Variants in LINGO2 observed in about 807,000 individuals in gnomAD.
The protein encoded by LINGO2 is leucine rich repeat and Ig domain containing 2.
A neutral mutation model predicts 30.6 loss-of-function variants in LINGO2; 14 were observed. The ratio of observed to expected loss-of-function variants is 0.46; its 90% confidence interval spans 0.30 to 0.72. The LOEUF (loss-of-function observed/expected upper bound fraction) is 0.72, where lower values mean the gene tolerates loss of function less well. Among genes scored for constraint, LINGO2 ranks in the 30% least tolerant of loss-of-function variants. The pLI, the probability that LINGO2 is intolerant of heterozygous loss-of-function variation, is 0.07. For missense variants in LINGO2, 729 were observed against 751.7 expected (o/e 0.97, Z 0.35); for synonymous variants, 317 against 288.5 (o/e 1.10, Z -1.00).
intron 3 of LINGO2, among the ~76,000 whole-genome samples, chr9:28,301,392 C>T (rs1308221493): frequency 1.3e-5 from 2 of 151,282 alleles, no homozygotes; most frequent in Non-Finnish European, 1.5e-5. Flanking sequence ...AAAACAGAAA[C>T]TTCTCCCTAG....
the LINGO2 span, among the ~76,000 whole-genome samples, chr9:29,208,131 A>G: frequency 6.6e-6 from 1 of 152,020 alleles, no homozygotes; most frequent in Admixed American, 6.5e-5. Context: ...ATATTCCACA[A>G]GCTAAATATT....
intron 4 of LINGO2, among the ~76,000 whole-genome samples, chr9:28,283,669 A>G (rs946241466): frequency 6.6e-6 from 1 of 152,162 alleles, no homozygotes; most frequent in East Asian, 1.9e-4. Flanking sequence ...AGTAAATTAC[A>G]TTCCTTTCTA....
chr9:28,699,825 C>T, the LINGO2 span, among the ~76,000 whole-genome samples: 1 of 151,762 alleles, frequency 6.6e-6, no homozygotes, highest in East Asian at 1.9e-4. Context: ...TGAGATAAGC[C>T]CTGGTCTCCT....
chr9:28,697,021 A>T, the LINGO2 span, among the ~76,000 whole-genome samples: 1 of 151,940 alleles, frequency 6.6e-6, no homozygotes, highest in Non-Finnish European at 1.5e-5. Flanking sequence ...CCAAAAACTA[A>T]TCCACATAAT....
intron 3 of LINGO2, among the ~76,000 whole-genome samples, chr9:28,326,807 G>A (rs1444845695): frequency 6.6e-6 from 1 of 152,118 alleles, no homozygotes; most frequent in East Asian, 1.9e-4. Context: ...GGGGATCATG[G>A]TCACAAGAGA....
chr9:28,579,541 A>G (rs1192381247), intron 1 of LINGO2, among the ~76,000 whole-genome samples: 1 of 152,240 alleles, frequency 6.6e-6, no homozygotes, highest in Non-Finnish European at 1.5e-5. Context: ...CAATTTAGCA[A>G]GAGTCTGAAG....
the LINGO2 span, among the ~76,000 whole-genome samples, chr9:29,118,594 G>A: frequency 2.6e-5 from 4 of 152,144 alleles, no homozygotes; most frequent in African/African-American, 9.7e-5. Context: ...GAGAAGGCCA[G>A]TCCAAGGCCT....
the LINGO2 span, among the ~76,000 whole-genome samples, chr9:29,087,477 T>G: frequency 6.6e-6 from 1 of 152,156 alleles, no homozygotes; most frequent in Non-Finnish European, 1.5e-5. Context: ...TAGGTAACTT[T>G]CCCATGAGTG....
intron 4 of LINGO2, among the ~76,000 whole-genome samples, chr9:28,267,723 G>A (rs932353298): frequency 4.0e-5 from 6 of 151,820 alleles, no homozygotes; most frequent in South Asian, 2.1e-4. Flanking sequence ...TTCTTCGTAC[G>A]CCAAATTTCT....
chr9:28,271,480 C>T (rs769851972), intron 4 of LINGO2, among the ~76,000 whole-genome samples: 3 of 152,124 alleles, frequency 2.0e-5, no homozygotes, highest in Non-Finnish European at 2.9e-5. Flanking sequence ...ACAAGCATTA[C>T]TCTTTCTCAG....
intron 5 of LINGO2, among the ~76,000 whole-genome samples, chr9:27,978,233 C>CT (rs1013664929): frequency 3.9e-5 from 6 of 152,054 alleles, no homozygotes; most frequent in Non-Finnish European, 5.9e-5. Flanking sequence ...AATGAGCCAT[C>CT]TTTAGCCAAA....
At chr9:28,142,967 G>C (rs62556550) in intron 4 of LINGO2, among the ~76,000 whole-genome samples, 10,498 of 152,126 alleles carry the variant, frequency 0.069, 452 homozygotes, top group African/African-American at 0.12. Context: ...GGGGAGTTTT[G>C]TTATTGAAAA....
At chr9:28,400,947 A>G (rs569214666) in intron 2 of LINGO2, among the ~76,000 whole-genome samples, 1 of 152,322 alleles carries the variant, frequency 6.6e-6, no homozygotes, top group African/African-American at 2.4e-5. Flanking sequence ...ATCTTTTGAA[A>G]TCATTTTTTC....
intron 4 of LINGO2, among the ~76,000 whole-genome samples, chr9:28,089,144 T>A (rs916952517): frequency 6.6e-6 from 1 of 152,086 alleles, no homozygotes; most frequent in African/African-American, 2.4e-5. Flanking sequence ...TTGTCAACAT[T>A]AGACAGATCA....
At chr9:28,545,157 T>C (rs190529330) in intron 1 of LINGO2, among the ~76,000 whole-genome samples, 1 of 152,200 alleles carries the variant, frequency 6.6e-6, no homozygotes, top group Non-Finnish European at 1.5e-5. Context: ...CACTTTTTCC[T>C]GCCTTACATC....
chr9:28,293,245 A>C (rs893602021), intron 4 of LINGO2, among the ~76,000 whole-genome samples: 7 of 151,932 alleles, frequency 4.6e-5, no homozygotes, highest in Non-Finnish European at 1.0e-4. Context: ...CTACAAGCAC[A>C]CACCACCATT....
the LINGO2 span, among the ~76,000 whole-genome samples, chr9:28,989,010 C>A: frequency 1.3e-5 from 2 of 152,082 alleles, no homozygotes. Flanking sequence ...GACATCACTC[C>A]CCTTTAATTA....
the LINGO2 span, among the ~76,000 whole-genome samples, chr9:29,046,051 A>G: frequency 4.6e-5 from 7 of 152,064 alleles, no homozygotes; most frequent in African/African-American, 1.7e-4. Flanking sequence ...ACTATAGGGT[A>G]TTCTAGATAG....
At chr9:29,174,489 G>A in the LINGO2 span, among the ~76,000 whole-genome samples, 1 of 152,100 alleles carries the variant, frequency 6.6e-6, no homozygotes, top group Non-Finnish European at 1.5e-5. Context: ...CTACGTCCTA[G>A]GACTAGACAG....
Sources: allele counts gnomAD v4.1 joint callset (sites outside exome capture counted in the v4.1 genomes callset), GRCh38; gene constraint gnomAD v4.1.1; transcripts MANE v1.5; gene names NCBI Gene and HGNC (gene_info 2026-07-23, HGNC 2026-07-21).